WDR72: variants seen among roughly 807,000 people sequenced by gnomAD.
The protein encoded by WDR72 is WD repeat domain 72, also known as WD repeat-containing protein 72.
In WDR72, 120 loss-of-function variants were observed where a neutral mutation model predicts 124.2. The observed-to-expected ratio is 0.97, with a 90% CI of 0.83 to 1.12. The LOEUF (loss-of-function observed/expected upper bound fraction) is 1.12. WDR72 is among the 50% of genes most tolerant of loss of function. WDR72 has a pLI of 0.00. For synonymous variants in WDR72, 452 were observed against 441.7 expected (o/e 1.02, Z -0.29); for missense variants, 1,387 against 1,278.8 (o/e 1.08, Z -1.29).
rs1322919206 is a variant in WDR72 at position 53,597,278 on chromosome 15, T to C, written c.2953-4A>G. On this transcript the variant is annotated splice_polypyrimidine_tract_variant and splice_region_variant and intron_variant, in intron 17 of 19. Coordinates refer to ENST00000360509, the MANE Select transcript of WDR72 (RefSeq NM_182758.4). The stretch of plus-strand genomic sequence containing the variant: ...CAGCTTGTATTGCTTCAGTTACCTG[T>C]AAGGTATTTTTTTAAGTGAATTATT... The C allele has an allele frequency of 6.2e-7, 1 of 1,613,038 alleles. No homozygotes were observed. Among genetic ancestry groups the C allele is most frequent in the Non-Finnish European group, 8.5e-7 (1 of 1,179,504 alleles).
intron 18 of WDR72, among the ~76,000 whole-genome samples, chr15:53,533,831 T>A (rs1892612194): frequency 6.6e-6 from 1 of 152,202 alleles, no homozygotes; most frequent in South Asian, 2.1e-4. Context: ...TATTGAAGAC[T>A]TAGCTGAAAT....
At chr15:53,716,485 T>C (rs762798645) in intron 4 of WDR72, 122 bp downstream of exon 4, 19 of 770,762 alleles carry the variant, frequency 2.5e-5, no homozygotes, top group Non-Finnish European at 3.7e-5. Flanking sequence ...TTGACCCTCA[T>C]GACAAAATAA....
chr15:53,528,071 A>G (rs1196763814), intron 18 of WDR72, among the ~76,000 whole-genome samples: 2 of 152,100 alleles, frequency 1.3e-5, no homozygotes, highest in African/African-American at 4.8e-5. Flanking sequence ...GATATTTTAA[A>G]TCAGAGGGAG....
intron 18 of WDR72, among the ~76,000 whole-genome samples, chr15:53,568,178 A>G (rs568989454): frequency 8.2e-4 from 124 of 151,494 alleles, no homozygotes; most frequent in African/African-American, 2.9e-3. Flanking sequence ...TACATCAAAT[A>G]CAAAATAATT....
intron 18 of WDR72, among the ~76,000 whole-genome samples, chr15:53,581,656 G>A (rs80129819): frequency 0.024 from 3,583 of 152,068 alleles, 140 homozygotes; most frequent in African/African-American, 0.082. Flanking sequence ...GATCCCATAT[G>A]AAGATGAAAA....
intron 1 of WDR72, among the ~76,000 whole-genome samples, chr15:53,750,815 CAAG>C (rs1302974764): frequency 6.6e-6 from 1 of 152,044 alleles, no homozygotes; most frequent in Non-Finnish European, 1.5e-5. Context: ...GTGGAAATAG[CAAG>C]AGAACTAGAA....
At chr15:53,640,849 C>T (rs1190955105) in intron 14 of WDR72, among the ~76,000 whole-genome samples, 2 of 151,766 alleles carry the variant, frequency 1.3e-5, no homozygotes, top group African/African-American at 4.8e-5. Flanking sequence ...TACTATTTAC[C>T]TTTTCCTTTT....
At chr15:53,570,566 T>C (rs1354003939) in intron 18 of WDR72, among the ~76,000 whole-genome samples, 1 of 152,052 alleles carries the variant, frequency 6.6e-6, no homozygotes, top group Non-Finnish European at 1.5e-5. Flanking sequence ...ATGGGTATTA[T>C]TAAAATGTCA....
intron 2 of WDR72, among the ~76,000 whole-genome samples, chr15:53,729,807 A>AAAT (rs542563934): frequency 0.061 from 9,341 of 152,156 alleles, 964 homozygotes; most frequent in African/African-American, 0.21. Context: ...TACAAAAAAA[A>AAAT]AAATAAAGTA....
chr15:53,679,408 T>A (rs4573883), intron 13 of WDR72, among the ~76,000 whole-genome samples: 3 of 152,072 alleles, frequency 2.0e-5, no homozygotes, highest in South Asian at 2.1e-4. Context: ...CCAAAGAAGA[T>A]ACAAGGAAAA....
At chr15:53,644,644 G>A (rs572526264) in intron 14 of WDR72, among the ~76,000 whole-genome samples, 13 of 152,108 alleles carry the variant, frequency 8.5e-5, no homozygotes, top group South Asian at 2.1e-4. Context: ...CGTGTAAATC[G>A]AACAGCAAGG....
intron 1 of WDR72, among the ~76,000 whole-genome samples, chr15:53,736,027 C>T (rs931329063): frequency 1.2e-4 from 18 of 151,572 alleles, no homozygotes; most frequent in African/African-American, 4.1e-4. Context: ...CAGGAAATTT[C>T]CCAGAATACA....
intron 13 of WDR72, among the ~76,000 whole-genome samples, chr15:53,691,488 A>T (rs1681653609): frequency 6.6e-6 from 1 of 152,194 alleles, no homozygotes; most frequent in African/African-American, 2.4e-5. Flanking sequence ...GTCTTTTCAC[A>T]TTCTTGTTAA....
intron 3 of WDR72, among the ~76,000 whole-genome samples, chr15:53,717,758 C>G (rs1488037394): frequency 6.6e-6 from 1 of 152,012 alleles, no homozygotes; most frequent in African/African-American, 2.4e-5. Flanking sequence ...TCCTAAATGC[C>G]ATTAGTACTG....
At chr15:53,565,439 C>T (rs1016226959) in intron 18 of WDR72, among the ~76,000 whole-genome samples, 2 of 151,880 alleles carry the variant, frequency 1.3e-5, no homozygotes, top group Non-Finnish European at 2.9e-5. Flanking sequence ...CAGCTTCTTG[C>T]GTGTCTTTCC....
intron 14 of WDR72, among the ~76,000 whole-genome samples, chr15:53,644,542 G>T (rs971757259): frequency 3.3e-5 from 5 of 152,060 alleles, no homozygotes; most frequent in Non-Finnish European, 7.4e-5. Flanking sequence ...GCATATAGGT[G>T]TATACTAGTT....
intron 18 of WDR72, among the ~76,000 whole-genome samples, chr15:53,593,340 T>C (rs2012602193): frequency 6.6e-6 from 1 of 152,114 alleles, no homozygotes; most frequent in Non-Finnish European, 1.5e-5. Flanking sequence ...GCTTACTGGA[T>C]AACAGCACAG....
chr15:53,756,273 A>G (rs1042280157), intron 1 of WDR72, among the ~76,000 whole-genome samples: 2 of 152,230 alleles, frequency 1.3e-5, no homozygotes, highest in African/African-American at 2.4e-5. Context: ...CTCCGCACTC[A>G]TTCTCTCTCC....
At position 53,733,052 on chromosome 15, in the gene WDR72, A is replaced by G. The variant is rs1261733326; in HGVS notation, c.98T>C (p.Val33Ala). 6.2e-7 allele frequency: 1 copy of G among 1,614,098 alleles called. No homozygotes were observed. Among genetic ancestry groups the G allele is most frequent in the South Asian group, 1.1e-5 (1 of 91,084 alleles). Reference sequence around the variant, plus strand: ...GAGCTGACCCTCTTGACTTCCAGTCACAATCGTTCGCTGGTCATCAGTGAT... The same window carrying G: ...GAGCTGACCCTCTTGACTTCCAGTCGCAATCGTTCGCTGGTCATCAGTGAT... ...IMITDDQRTI[V>A]TGSQEGQLCL... Residue 33 changes from valine to alanine, a missense_variant, in exon 2 of 20, where the codon GTG becomes GCG. By Grantham distance (64) the Val-to-Ala change is moderately conservative. Coordinates refer to ENST00000360509, the MANE Select transcript of WDR72 (RefSeq NM_182758.4).
Sources: gnomAD v4.1 joint callset for allele counts (sites outside exome capture counted in the v4.1 genomes callset) on GRCh38, gnomAD v4.1.1 for gene constraint, MANE v1.5 for transcripts, NCBI Gene and HGNC (gene_info 2026-07-23, HGNC 2026-07-21) for gene names.